DIAPH2: variants seen among roughly 807,000 people sequenced by gnomAD.
DIAPH2 encodes protein diaphanous homolog 2.
In DIAPH2, 35 loss-of-function variants were observed where a neutral mutation model predicts 92.7. That is an observed-to-expected ratio of 0.38 (90% CI 0.29 to 0.50). The LOEUF is 0.50. Among genes scored for constraint, DIAPH2 ranks in the 20% least tolerant of loss-of-function variants. The pLI is 0.94. For synonymous variants in DIAPH2, 301 were observed against 280.4 expected (o/e 1.07, Z -0.73); for missense variants, 701 against 819.5 (o/e 0.86, Z 1.77).
At chrX:96,747,612 C>T (rs993501882) in intron 3 of DIAPH2, among the ~76,000 whole-genome samples, 11 of 111,704 alleles carry the variant, frequency 9.8e-5, no homozygotes, top group African/African-American at 3.6e-4. Flanking sequence ...AATTTTTGTT[C>T]TCTCACTTTT....
In DIAPH2 at chrX:96,916,584, G is replaced by A. The variant is rs1211212292; in HGVS notation, c.869+10G>A. 6.7e-6 allele frequency: 8 copies of A among 1,186,423 alleles called. No homozygotes were observed. The highest frequency in any genetic ancestry group is 9.1e-6 in the Non-Finnish European group (8 of 882,553). On this transcript the variant is annotated intron_variant, in intron 8 of 26. Coordinates refer to ENST00000324765, the MANE Select transcript of DIAPH2 (RefSeq NM_006729.5). ...TTGGAGAAGAGAACATGTAAGTATT[G>A]CTATATTATTATATTTGCTGCATGG...
chrX:97,578,629 ATACG>A (rs1270209794), intron 26 of DIAPH2, among the ~76,000 whole-genome samples: 1 of 83,141 alleles, frequency 1.2e-5, no homozygotes, highest in East Asian at 4.0e-4. Flanking sequence ...TGCAATAAAC[ATACG>A]TGTGCATGTG....
intron 24 of DIAPH2, among the ~76,000 whole-genome samples, chrX:97,354,020 G>C (rs955191948): frequency 9.1e-6 from 1 of 110,295 alleles, no homozygotes. Context: ...TCGCTGTGTT[G>C]CCCAGGCTTA....
intron 17 of DIAPH2, among the ~76,000 whole-genome samples, chrX:97,043,173 C>T (rs1426408595): frequency 9.0e-6 from 1 of 111,689 alleles, no homozygotes; most frequent in East Asian, 2.8e-4. Context: ...GAACAAGCTT[C>T]ACCAATTTTA....
chrX:97,488,603 C>A (rs1036791383), intron 26 of DIAPH2, among the ~76,000 whole-genome samples: 8 of 111,477 alleles, frequency 7.2e-5, no homozygotes, highest in Non-Finnish European at 1.5e-4. Context: ...AATCTTTAAC[C>A]CATTTTTAGT....
intron 26 of DIAPH2, among the ~76,000 whole-genome samples, chrX:97,534,136 G>T (rs1476196766): frequency 9.0e-6 from 1 of 111,096 alleles, no homozygotes; most frequent in Non-Finnish European, 1.9e-5. Flanking sequence ...TTAAATGGAA[G>T]AATTCTATAG....
At chrX:97,592,024 G>A (rs911018797) in intron 26 of DIAPH2, among the ~76,000 whole-genome samples, 1 of 111,902 alleles carries the variant, frequency 8.9e-6, no homozygotes, top group Non-Finnish European at 1.9e-5. Flanking sequence ...AAATGCCCAT[G>A]TTATCAATTA....
At chrX:97,382,333 G>A (rs1323425678) in intron 24 of DIAPH2, among the ~76,000 whole-genome samples, 1 of 112,167 alleles carries the variant, frequency 8.9e-6, no homozygotes, top group Non-Finnish European at 1.9e-5. Context: ...GCTCACGCCT[G>A]TAATCCCAGC....
intron 26 of DIAPH2, among the ~76,000 whole-genome samples, chrX:97,461,141 G>A (rs755892816): frequency 1.8e-5 from 2 of 111,403 alleles, no homozygotes; most frequent in Non-Finnish European, 3.8e-5. Flanking sequence ...TTCAATAAAA[G>A]TGAAGGTAGA....
chrX:96,748,828 C>T (rs1054217497), intron 3 of DIAPH2, among the ~76,000 whole-genome samples: 2 of 111,167 alleles, frequency 1.8e-5, no homozygotes, highest in African/African-American at 6.5e-5. Context: ...TTTGTATATC[C>T]TGCTGACTAA....
chrX:97,066,970 A>G (rs1377932214), intron 17 of DIAPH2, among the ~76,000 whole-genome samples: 1 of 111,764 alleles, frequency 8.9e-6, no homozygotes, highest in Non-Finnish European at 1.9e-5. Flanking sequence ...TAGTAATGCC[A>G]TTCCTATTGC....
Position 96,716,694 on chromosome X carries a change from T to C in DIAPH2, c.133-19064T>C, listed in dbSNP as rs1005285530. ...CATTTTTGTCAGTTTTCTGGAAGAG[T>C]TGCCGTAGAATTGATGTTTACTAGA... On this transcript the variant is annotated intron_variant, in intron 1 of 26. Transcript: ENST00000324765. Among the ~76,000 whole-genome samples, 10 of 111,209 alleles carry C rather than the reference T, an allele frequency of 9.0e-5. No individual in the cohort carries two copies. The East Asian group carries it at 1.7e-3, about 19-fold the overall frequency.
chrX:97,480,628 T>A (rs2070644106), intron 26 of DIAPH2, among the ~76,000 whole-genome samples: 1 of 111,386 alleles, frequency 9.0e-6, no homozygotes. Flanking sequence ...ATCTAGATAG[T>A]AATAGAACAT....
chrX:96,691,129 A>G (rs1053754453), intron 1 of DIAPH2, among the ~76,000 whole-genome samples: 1 of 111,978 alleles, frequency 8.9e-6, no homozygotes, highest in African/African-American at 3.2e-5. Context: ...AACAGCATAC[A>G]TAATATATGC....
chrX:97,244,966 G>T (rs1396476069), intron 22 of DIAPH2, among the ~76,000 whole-genome samples: 1 of 110,600 alleles, frequency 9.0e-6, no homozygotes, highest in Non-Finnish European at 1.9e-5. Context: ...GCACATGCCT[G>T]TAGTCCCAGC....
intron 24 of DIAPH2, among the ~76,000 whole-genome samples, chrX:97,382,893 T>C (rs1006895861): frequency 1.8e-5 from 2 of 112,445 alleles, no homozygotes; most frequent in Admixed American, 9.4e-5. Context: ...TATTGAGTCT[T>C]TTTCTTTAGG....
intron 21 of DIAPH2, among the ~76,000 whole-genome samples, chrX:97,117,630 G>A (rs1306874746): frequency 5.4e-5 from 6 of 112,029 alleles, no homozygotes. Flanking sequence ...GGAGGCATGT[G>A]GTTAAACTTA....
At chrX:96,939,520 A>ATATATG (rs1569431044) in intron 12 of DIAPH2, 138 bp downstream of exon 12, 1 of 77,959 alleles carries the variant, frequency 1.3e-5, no homozygotes, top group African/African-American at 4.8e-5. Context: ...ATGTATGTAT[A>ATATATG]TATATATATG....
chrX:97,187,281 C>CTTGTTTT (rs2067613352), intron 22 of DIAPH2, among the ~76,000 whole-genome samples: 1 of 36,889 alleles, frequency 2.7e-5, no homozygotes, highest in Non-Finnish European at 4.4e-5. Flanking sequence ...ATTAAGTAGC[C>CTTGTTTT]TTTTTTTTTT....
Sources: allele counts gnomAD v4.1 joint callset (sites outside exome capture counted in the v4.1 genomes callset), GRCh38; gene constraint gnomAD v4.1.1; transcripts MANE v1.5; gene names NCBI Gene and HGNC (gene_info 2026-07-23, HGNC 2026-07-21).